Variants in PAPPA2 observed in about 807,000 individuals in gnomAD.
PAPPA2 encodes pappalysin 2, also known as pappalysin-2.
Under a neutral mutation model 176.4 loss-of-function variants are expected in PAPPA2, and 86 were observed. That is an observed-to-expected ratio of 0.49 (90% CI 0.41 to 0.58). The LOEUF is 0.58. Among genes scored for constraint, PAPPA2 ranks in the 20% least tolerant of loss-of-function variants. The pLI is 0.00. For synonymous variants in PAPPA2, 809 were observed against 852.2 expected, an observed-to-expected ratio of 0.95 and a Z score of 0.88; for missense variants, 2,073 against 2,256.9, an observed-to-expected ratio of 0.92 and a Z score of 1.65.
chr1:176,616,537 A>T, intron 3 of PAPPA2: 1 of 1,309,122 alleles, frequency 7.6e-7, no homozygotes, highest in South Asian at 1.2e-5. Flanking sequence ...ACAAAATGTA[A>T]CCAATCAGCA....
intron 3 of PAPPA2, among the ~76,000 whole-genome samples, chr1:176,640,537 G>T (rs1163264476): frequency 1.3e-5 from 2 of 150,858 alleles, no homozygotes; most frequent in Non-Finnish European, 3.0e-5. Context: ...TTTTATGGCT[G>T]CATAGTATTC....
intron 17 of PAPPA2, among the ~76,000 whole-genome samples, chr1:176,787,663 T>C (rs1665000140): frequency 1.3e-5 from 2 of 152,196 alleles, no homozygotes; most frequent in Non-Finnish European, 2.9e-5. Context: ...TATTAAAATA[T>C]TTTATTATTA....
chr1:176,470,564 T>A (rs1470142953), intron 1 of PAPPA2, among the ~76,000 whole-genome samples: 1 of 152,076 alleles, frequency 6.6e-6, no homozygotes, highest in Non-Finnish European at 1.5e-5. Flanking sequence ...GACTCTAGGC[T>A]GCATGGAACA....
intron 3 of PAPPA2, among the ~76,000 whole-genome samples, chr1:176,646,601 T>C (rs1316633091): frequency 1.3e-5 from 2 of 151,044 alleles, no homozygotes; most frequent in Non-Finnish European, 3.0e-5. Flanking sequence ...TTTTACTCTC[T>C]GTTACCGTGA....
At position 176,832,897 on chromosome 1, in the gene PAPPA2, A is replaced by C. The variant is rs1222248603; in HGVS notation, c.5203-7276A>C. 2.0e-5 allele frequency among the ~76,000 whole-genome samples: 3 copies of C among 152,262 alleles called. No homozygotes were observed. The South Asian group carries it at 6.2e-4, about 32-fold the overall frequency. On this transcript the variant is annotated intron_variant, in intron 21 of 22. Transcript: ENST00000367662. ...GCTTTGGTCTTGGTGTCAAATGTAG[A>C]TAAGCTGATTATAATCAGCCTTCTC...
At chr1:176,564,929 C>G (rs978056702) in intron 2 of PAPPA2, among the ~76,000 whole-genome samples, 1 of 152,086 alleles carries the variant, frequency 6.6e-6, no homozygotes, top group African/African-American at 2.4e-5. Context: ...GCCCTACCCA[C>G]TTCCCTCCCC....
At chr1:176,628,776 C>T (rs913866053) in intron 3 of PAPPA2, among the ~76,000 whole-genome samples, 1 of 152,194 alleles carries the variant, frequency 6.6e-6, no homozygotes, top group Non-Finnish European at 1.5e-5. Context: ...GGAATTGAAA[C>T]TGTCTCTCAG....
chr1:176,740,247 A>T, intron 14 of PAPPA2, 51 bp downstream of exon 14: 1 of 1,521,000 alleles, frequency 6.6e-7, no homozygotes, highest in Non-Finnish European at 9.0e-7. Context: ...GGCTCTAATG[A>T]TTGGCTCACA....
At chr1:176,655,763 A>G (rs1333423573) in intron 3 of PAPPA2, among the ~76,000 whole-genome samples, 1 of 151,852 alleles carries the variant, frequency 6.6e-6, no homozygotes, top group Non-Finnish European at 1.5e-5. Flanking sequence ...TAGGCACATT[A>G]AAAGCTCTGA....
chr1:176,813,261 T>C (rs909012135), intron 21 of PAPPA2, among the ~76,000 whole-genome samples: 9 of 152,304 alleles, frequency 5.9e-5, no homozygotes, highest in Admixed American at 4.6e-4. Context: ...TACACTTTCA[T>C]GTATCTTTCT....
At chr1:176,750,520 G>A (rs1031453576) in intron 14 of PAPPA2, among the ~76,000 whole-genome samples, 6 of 152,140 alleles carry the variant, frequency 3.9e-5, no homozygotes, top group Admixed American at 2.0e-4. Context: ...CAGGAGAATT[G>A]CTTGAACCCG....
chr1:176,761,559 T>A (rs1007625609), intron 14 of PAPPA2, among the ~76,000 whole-genome samples: 8 of 152,218 alleles, frequency 5.3e-5, no homozygotes, highest in Non-Finnish European at 1.0e-4. Context: ...ACTATTGGAC[T>A]ATTAGATATG....
chr1:176,743,430 T>A (rs1003421985), intron 14 of PAPPA2, among the ~76,000 whole-genome samples: 2 of 152,176 alleles, frequency 1.3e-5, no homozygotes, highest in African/African-American at 4.8e-5. Context: ...AAACCAAGTT[T>A]AGTTTTCCTG....
At chr1:176,491,875 A>G (rs1647310025) in intron 1 of PAPPA2, among the ~76,000 whole-genome samples, 1 of 152,210 alleles carries the variant, frequency 6.6e-6, no homozygotes, top group African/African-American at 2.4e-5. Flanking sequence ...CAGACATGAA[A>G]TGATTTAGCA....
intron 1 of PAPPA2, among the ~76,000 whole-genome samples, chr1:176,535,711 C>T (rs1008642269): frequency 6.6e-6 from 1 of 152,188 alleles, no homozygotes; most frequent in African/African-American, 2.4e-5. Flanking sequence ...ACATACTAGC[C>T]ATGTGGGCTT....
intron 1 of PAPPA2, among the ~76,000 whole-genome samples, chr1:176,489,176 A>G (rs1293304712): frequency 1.3e-5 from 2 of 152,212 alleles, no homozygotes; most frequent in East Asian, 3.8e-4. Context: ...TAACACTACT[A>G]TATATGCTAT....
chr1:176,634,496 G>A (rs1656544513), intron 3 of PAPPA2, among the ~76,000 whole-genome samples: 1 of 151,962 alleles, frequency 6.6e-6, no homozygotes, highest in Admixed American at 6.6e-5. Flanking sequence ...TGTAAATGAG[G>A]AGTTAATGGG....
chr1:176,541,795 A>G (rs1293622623), intron 1 of PAPPA2, among the ~76,000 whole-genome samples: 2 of 152,338 alleles, frequency 1.3e-5, no homozygotes, highest in East Asian at 3.9e-4. Context: ...AATTTCACCA[A>G]GAGTTGTTCT....
At chr1:176,740,263 A>G (rs560550731) in intron 14 of PAPPA2, 67 bp downstream of exon 14, 10 of 1,457,450 alleles carry the variant, frequency 6.9e-6, no homozygotes, top group East Asian at 2.4e-5. Context: ...TCACATTTAC[A>G]TAGTGTTATG....
Sources: gnomAD v4.1 joint callset for allele counts (sites outside exome capture counted in the v4.1 genomes callset) on GRCh38, gnomAD v4.1.1 for gene constraint, MANE v1.5 for transcripts, NCBI Gene and HGNC (gene_info 2026-07-23, HGNC 2026-07-21) for gene names.